SP4: variants seen among roughly 807,000 people sequenced by gnomAD.
SP4 encodes the protein Sp4 transcription factor, also known as transcription factor Sp4.
In SP4, 19 loss-of-function variants were observed where a neutral mutation model predicts 72.8. That is an observed-to-expected ratio of 0.26 (90% CI 0.18 to 0.38). SP4 has a LOEUF of 0.38. SP4 is among the 10% of genes least tolerant of loss of function. The pLI is 1.00. For synonymous variants in SP4, 395 were observed against 333.1 expected, an observed-to-expected ratio of 1.19 and a Z score of -2.02; for missense variants, 1,008 against 926.3, an observed-to-expected ratio of 1.09 and a Z score of -1.14.
chr7:21,446,529 GT>G (rs1285774794), intron 3 of SP4, among the ~76,000 whole-genome samples: 3 of 151,978 alleles, frequency 2.0e-5, no homozygotes, highest in Non-Finnish European at 2.9e-5. Context: ...GGAGGTCTTG[GT>G]TTTTTTCTTT....
chr7:21,449,563 T>C (rs1277230437), intron 3 of SP4, among the ~76,000 whole-genome samples: 1 of 152,242 alleles, frequency 6.6e-6, no homozygotes, highest in Non-Finnish European at 1.5e-5. Context: ...GTACATATGT[T>C]TAAGTATACG....
Position 21,430,354 on chromosome 7 carries a change from C to G in SP4, c.1189C>G (p.Gln397Glu), listed in dbSNP as rs773802046. ...QDQSNSLQQVQIVGQPILQQI... is the reference protein window; with the variant it reads ...QDQSNSLQQVEIVGQPILQQI... ...TCAATCAAATTCTCTTCAGCAGGTG[C>G]AAATTGTAGGCCAACCTATCTTACA... The change falls in exon 3 of 6, where the codon CAA (glutamine) becomes GAA (glutamate). Residue 397 changes from glutamine to glutamate, a missense_variant. Coordinates refer to ENST00000222584, the MANE Select transcript of SP4 (RefSeq NM_003112.5). 6.2e-7 allele frequency: 1 copy of G among 1,614,214 alleles called. No homozygotes were observed. Among genetic ancestry groups the G allele is most frequent in the Non-Finnish European group, 8.5e-7 (1 of 1,180,048 alleles).
At chr7:21,428,599 AGAG>A (rs922242448) in intron 1 of SP4, 75 bp from the exon 2 acceptor site, 14 of 1,315,436 alleles carry the variant, frequency 1.1e-5, no homozygotes, top group African/African-American at 1.0e-4. Flanking sequence ...AGGGGGGAGA[AGAG>A]GAGAGGAAGA....
intron 5 of SP4, among the ~76,000 whole-genome samples, chr7:21,509,579 T>C (rs946245588): frequency 6.6e-5 from 10 of 152,188 alleles, no homozygotes; most frequent in African/African-American, 2.4e-4. Flanking sequence ...TTTAATACAA[T>C]ATTGTATTGA....
chr7:21,471,200 A>G (rs578241975), intron 3 of SP4: 4 of 515,688 alleles, frequency 7.8e-6, no homozygotes, highest in Non-Finnish European at 1.6e-5. Context: ...AACTTTATGT[A>G]CTATGCTAAG....
chr7:21,503,890 G>A (rs10268107), intron 5 of SP4, among the ~76,000 whole-genome samples: 3,257 of 152,226 alleles, frequency 0.021, 123 homozygotes, highest in African/African-American at 0.073. Flanking sequence ...CCTAAGTATT[G>A]TATCACACAA....
intron 3 of SP4, among the ~76,000 whole-genome samples, chr7:21,464,292 T>G (rs1327353107): frequency 1.3e-5 from 2 of 151,928 alleles, no homozygotes; most frequent in East Asian, 3.9e-4. Flanking sequence ...GAGACAGGGT[T>G]TCACTGTGTT....
At chr7:21,498,095 C>T (rs1163669684) in intron 5 of SP4, among the ~76,000 whole-genome samples, 2 of 152,184 alleles carry the variant, frequency 1.3e-5, no homozygotes, top group African/African-American at 4.8e-5. Flanking sequence ...AAATTATCAT[C>T]TTTCCCCCCT....
At chr7:21,444,718 C>T (rs902794447) in intron 3 of SP4, among the ~76,000 whole-genome samples, 6 of 152,052 alleles carry the variant, frequency 3.9e-5, no homozygotes, top group African/African-American at 1.4e-4. Flanking sequence ...GTGGTGGTGA[C>T]CTCAAATTAT....
At chr7:21,440,851 AAACAACAACAACAACAACAAC>A (rs779338567) in intron 3 of SP4, among the ~76,000 whole-genome samples, 8 of 138,608 alleles carry the variant, frequency 5.8e-5, no homozygotes, top group South Asian at 4.8e-4. Flanking sequence ...CCCTGTCTCA[AAACAACAACAACAACAACAAC>A]AACAACAACA....
intron 3 of SP4, among the ~76,000 whole-genome samples, chr7:21,432,927 C>T (rs1033665561): frequency 1.3e-5 from 2 of 152,102 alleles, no homozygotes; most frequent in African/African-American, 4.8e-5. Context: ...CCGGGGGATC[C>T]AGGCTGCGGT....
chr7:21,489,879 A>G (rs546768682), intron 5 of SP4, among the ~76,000 whole-genome samples: 9 of 151,810 alleles, frequency 5.9e-5, no homozygotes, highest in South Asian at 2.1e-4. Flanking sequence ...TTAAACTCCT[A>G]TCCTCAAGTG....
intron 3 of SP4, among the ~76,000 whole-genome samples, chr7:21,454,214 C>G (rs1209499291): frequency 6.6e-6 from 1 of 152,184 alleles, no homozygotes; most frequent in African/African-American, 2.4e-5. Flanking sequence ...ATGGCTAACT[C>G]TGTGTGTCTT....
intron 3 of SP4, among the ~76,000 whole-genome samples, chr7:21,466,938 T>C (rs1784184825): frequency 6.6e-6 from 1 of 152,202 alleles, no homozygotes; most frequent in Non-Finnish European, 1.5e-5. Flanking sequence ...GAGACTCATG[T>C]AGTTTTTATA....
chr7:21,428,528 C>T (rs1782705426), intron 1 of SP4, 149 bp from the exon 2 acceptor site: 1 of 918,114 alleles, frequency 1.1e-6, no homozygotes, highest in Admixed American at 2.8e-5. Flanking sequence ...TTCCCTCCTT[C>T]TCCCCCACCC....
intron 5 of SP4, chr7:21,482,752 TTG>T (rs1216837187): frequency 3.1e-6 from 3 of 980,376 alleles, no homozygotes; most frequent in Admixed American, 6.2e-5. Flanking sequence ...AAAAAATGTT[TTG>T]TGTGTGTTAT....
chr7:21,438,618 T>C (rs1783127898), intron 3 of SP4, among the ~76,000 whole-genome samples: 1 of 152,246 alleles, frequency 6.6e-6, no homozygotes, highest in Admixed American at 6.5e-5. Flanking sequence ...ATATGTTATC[T>C]CGGTATAGTA....
rs560962355 is a variant in SP4, at chr7:21,434,889, A to G, written c.1678+4046A>G. Among the ~76,000 whole-genome samples, 3 of 152,126 alleles carry G rather than the reference A, an allele frequency of 2.0e-5. No homozygotes were observed. In the South Asian group the frequency reaches 6.2e-4, roughly 32 times the overall value. On this transcript the variant is annotated intron_variant, in intron 3 of 5. Coordinates refer to ENST00000222584, the MANE Select transcript of SP4 (RefSeq NM_003112.5). ...GTTTGACTTCAAAGGAAAAGCAGAAACCTTACTTTAAGCTCAAAGACAACT... is the reference window on the plus strand; with the variant it reads ...GTTTGACTTCAAAGGAAAAGCAGAAGCCTTACTTTAAGCTCAAAGACAACT...
intron 3 of SP4, among the ~76,000 whole-genome samples, chr7:21,432,153 A>G (rs1782880219): frequency 6.6e-6 from 1 of 152,188 alleles, no homozygotes. Flanking sequence ...TTTAAATTTT[A>G]TTTAATTTTA....
Sources: gnomAD v4.1 joint callset for allele counts (sites outside exome capture counted in the v4.1 genomes callset) on GRCh38, gnomAD v4.1.1 for gene constraint, MANE v1.5 for transcripts, NCBI Gene and HGNC (gene_info 2026-07-23, HGNC 2026-07-21) for gene names.